The following USP15 variants were observed in gnomAD, a reference collection of about 807,000 sequenced individuals.
The protein encoded by USP15 is ubiquitin carboxyl-terminal hydrolase 15.
Under a neutral mutation model 127.1 loss-of-function variants are expected in USP15, and 18 were observed. The ratio of observed to expected loss-of-function variants is 0.14; its 90% CI spans 0.10 to 0.21. USP15 has a LOEUF of 0.21. Among genes scored for constraint, USP15 ranks in the 10% least tolerant of loss-of-function variants. The pLI, the probability that USP15 is intolerant of heterozygous loss-of-function variation, is 1.00. For missense variants in USP15, 805 were observed against 1,159.9 expected, an observed-to-expected ratio of 0.69 and a Z score of 4.44; for synonymous variants, 364 against 393.7, an observed-to-expected ratio of 0.92 and a Z score of 0.89.
chr12:62,310,304 T>G (rs1018972152), intron 3 of USP15, among the ~76,000 whole-genome samples: 3 of 151,906 alleles, frequency 2.0e-5, no homozygotes, highest in Non-Finnish European at 4.4e-5. Context: ...GTCACCCTGC[T>G]CTGCTACCAA....
At chr12:62,296,361 C>G (rs1293350417) in intron 2 of USP15, among the ~76,000 whole-genome samples, 1 of 152,156 alleles carries the variant, frequency 6.6e-6, no homozygotes, top group Admixed American at 6.6e-5. Flanking sequence ...GTTTAAGCCA[C>G]TATGGTAATT....
chr12:62,310,860 T>A (rs2064653735), intron 3 of USP15, among the ~76,000 whole-genome samples: 1 of 152,096 alleles, frequency 6.6e-6, no homozygotes, highest in African/African-American at 2.4e-5. Context: ...GTATAAGTGT[T>A]CCCTTTTCTC....
chr12:62,289,441 C>G (rs1319278750), intron 1 of USP15, among the ~76,000 whole-genome samples: 2 of 152,070 alleles, frequency 1.3e-5, no homozygotes, highest in East Asian at 3.8e-4. Context: ...TCTGCAGTAT[C>G]CGTTATAATA....
At position 62,410,809 on chromosome 12, in the gene USP15, T is replaced by C. The variant is rs2068020194; in HGVS notation, c.*6434T>C. On this transcript the variant is annotated 3_prime_UTR_variant, in exon 22 of 22. Transcript: ENST00000280377. ...TATATATTTTTAGCAAAGGAATTAA[T>C]AACTAATAGCATTGATGAGTCAAGT... 6.6e-6 allele frequency: 1 copy of C among 152,078 alleles called. No individual in the cohort carries two copies. Among genetic ancestry groups the C allele is most frequent in the South Asian group, 2.1e-4 (1 of 4,828 alleles). The allele number at this position is 152,078 out of a possible 1,614,324, so 9.4% of individuals were successfully genotyped here.
At chr12:62,355,825 CTTTTTTTT>C in intron 8 of USP15, among the ~76,000 whole-genome samples, 1 of 124,410 alleles carries the variant, frequency 8.0e-6, no homozygotes, top group Non-Finnish European at 1.7e-5. Flanking sequence ...CTTTTTTTTT[CTTTTTTTT>C]TTTTTTTTGT....
At chr12:62,328,829 G>A in intron 6 of USP15, among the ~76,000 whole-genome samples, 1 of 152,078 alleles carries the variant, frequency 6.6e-6, no homozygotes, top group Non-Finnish European at 1.5e-5. Flanking sequence ...CAAAAGAAAG[G>A]CAAATAGATT....
At chr12:62,351,738 T>G (rs543540535) in intron 7 of USP15, among the ~76,000 whole-genome samples, 1 of 152,208 alleles carries the variant, frequency 6.6e-6, no homozygotes, top group East Asian at 1.9e-4. Context: ...AACACTAAAA[T>G]AGCCCTGTCA....
chr12:62,360,489 A>G (rs1393740687), intron 8 of USP15, among the ~76,000 whole-genome samples: 1 of 152,084 alleles, frequency 6.6e-6, no homozygotes, highest in Non-Finnish European at 1.5e-5. Context: ...TCTTCATTAC[A>G]TTGTAAAACA....
At chr12:62,316,799 T>G (rs1387815022) in intron 4 of USP15, among the ~76,000 whole-genome samples, 1 of 152,120 alleles carries the variant, frequency 6.6e-6, no homozygotes, top group African/African-American at 2.4e-5. Flanking sequence ...TTATGGGTTC[T>G]CATGATAAGA....
At chr12:62,303,727 A>G (rs752830180) in intron 3 of USP15, 3 of 152,156 alleles carry the variant, frequency 2.0e-5, no homozygotes, top group Admixed American at 6.6e-5. Context: ...CAAAGTTGCC[A>G]TGTTAACAAT....
intron 7 of USP15, among the ~76,000 whole-genome samples, chr12:62,350,204 T>A (rs2065928677): frequency 1.3e-5 from 2 of 151,984 alleles, no homozygotes; most frequent in African/African-American, 4.8e-5. Context: ...ATTATCTCAG[T>A]GAGTAAATTC....
chr12:62,324,013 T>C (rs966791167), intron 5 of USP15, among the ~76,000 whole-genome samples: 1 of 149,848 alleles, frequency 6.7e-6, no homozygotes, highest in African/African-American at 2.5e-5. Context: ...TTTTTTTTTT[T>C]AATACTTAGA....
chr12:62,291,568 C>T (rs762943702), intron 1 of USP15, among the ~76,000 whole-genome samples: 5 of 152,118 alleles, frequency 3.3e-5, no homozygotes, highest in Non-Finnish European at 7.4e-5. Flanking sequence ...TTGAGGGTAT[C>T]GTAACACCCT....
chr12:62,265,542 T>G (rs1037081547), intron 1 of USP15, among the ~76,000 whole-genome samples: 13 of 152,270 alleles, frequency 8.5e-5, no homozygotes, highest in African/African-American at 3.1e-4. Context: ...TGCCTCTGAT[T>G]TTATTTAAAA....
At chr12:62,261,977 C>A (rs2063077252) in intron 1 of USP15, among the ~76,000 whole-genome samples, 1 of 152,066 alleles carries the variant, frequency 6.6e-6, no homozygotes, top group African/African-American at 2.4e-5. Context: ...GGGTGGTTCA[C>A]GCCTGTAACC....
intron 6 of USP15, chr12:62,335,978 T>C (rs1043803914): frequency 1.0e-6 from 1 of 985,402 alleles, no homozygotes; most frequent in Non-Finnish European, 1.2e-6. Context: ...CATTTAGTTT[T>C]GCAAATTGTG....
intron 8 of USP15, among the ~76,000 whole-genome samples, chr12:62,363,626 G>A (rs924576567): frequency 6.6e-6 from 1 of 151,788 alleles, no homozygotes; most frequent in Non-Finnish European, 1.5e-5. Context: ...TTTCTATTAG[G>A]GTTTTTTGCT....
At chr12:62,304,087 C>T (rs1284037299) in intron 3 of USP15, among the ~76,000 whole-genome samples, 8 of 152,018 alleles carry the variant, frequency 5.3e-5, no homozygotes, top group Non-Finnish European at 8.8e-5. Context: ...CTTAATGATA[C>T]ACTTTTTTTT....
chr12:62,262,384 A>G (rs1260757227), intron 1 of USP15, among the ~76,000 whole-genome samples: 3 of 152,244 alleles, frequency 2.0e-5, no homozygotes, highest in Non-Finnish European at 4.4e-5. Context: ...GTTAAAGAAC[A>G]TTTAAAAATT....
Sources: allele counts gnomAD v4.1 joint callset (sites outside exome capture counted in the v4.1 genomes callset), GRCh38; gene constraint gnomAD v4.1.1; transcripts MANE v1.5; gene names NCBI Gene and HGNC (gene_info 2026-07-23, HGNC 2026-07-21).